Variants in IGF2BP3 observed in about 807,000 individuals in gnomAD.
IGF2BP3 encodes the protein insulin-like growth factor 2 mRNA-binding protein 3.
In IGF2BP3, 9 loss-of-function variants were observed where a neutral mutation model predicts 73.8. The ratio of observed to expected loss-of-function variants is 0.12; its 90% CI spans 0.07 to 0.21. IGF2BP3 has a LOEUF of 0.21. IGF2BP3 is among the 10% of genes least tolerant of loss of function. The pLI, the probability that IGF2BP3 is intolerant of heterozygous loss-of-function variation, is 1.00. For synonymous variants in IGF2BP3, 258 were observed against 256.7 expected (o/e 1.01, Z -0.05); for missense variants, 542 against 714.0 (o/e 0.76, Z 2.75).
chr7:23,395,650 G>A (rs1786429732), intron 3 of IGF2BP3, among the ~76,000 whole-genome samples: 3 of 151,852 alleles, frequency 2.0e-5, no homozygotes, highest in Middle Eastern at 3.4e-3. Flanking sequence ...AACAGGCCAG[G>A]CACAGTGTTT....
At chr7:23,392,521 C>T (rs954725540) in intron 3 of IGF2BP3, among the ~76,000 whole-genome samples, 2 of 150,224 alleles carry the variant, frequency 1.3e-5, no homozygotes, top group African/African-American at 2.5e-5. Flanking sequence ...TATATACACA[C>T]ACACATACAC....
intron 3 of IGF2BP3, among the ~76,000 whole-genome samples, chr7:23,407,085 T>A (rs778404436): frequency 1.0e-4 from 15 of 150,678 alleles, no homozygotes; most frequent in Admixed American, 2.0e-4. Context: ...AGTATCAGAA[T>A]TAAAAAGTGG....
intron 2 of IGF2BP3, among the ~76,000 whole-genome samples, chr7:23,463,020 C>A (rs1461196145): frequency 2.6e-5 from 4 of 152,154 alleles, no homozygotes; most frequent in Non-Finnish European, 5.9e-5. Flanking sequence ...GTCATTGCTA[C>A]CACACTGCCA....
chr7:23,367,697 T>A (rs952199552), intron 3 of IGF2BP3, among the ~76,000 whole-genome samples: 17 of 148,012 alleles, frequency 1.1e-4, no homozygotes, highest in African/African-American at 2.2e-4. Context: ...TCAGCCTTTT[T>A]AAAAAAAAAA....
At chr7:23,438,663 C>A (rs1787860288) in intron 2 of IGF2BP3, among the ~76,000 whole-genome samples, 1 of 151,834 alleles carries the variant, frequency 6.6e-6, no homozygotes, top group Non-Finnish European at 1.5e-5. Context: ...TTTCAAGGAC[C>A]CCACACGCTT....
rs1489763884 is a variant in IGF2BP3, at chr7:23,442,731, CAT to C, written c.237-23909_237-23908del. ...TCATTTTTAAAATAACAAGAAATAACATATTATAATCAGACTTTGCATATACC... is the reference window on the plus strand; with the variant it reads ...TCATTTTTAAAATAACAAGAAATAACATTATAATCAGACTTTGCATATACC... On this transcript the variant is annotated intron_variant, in intron 2 of 14. Transcript: ENST00000258729. Among the ~76,000 whole-genome samples, 12 of 152,180 alleles carry C rather than the reference CAT, an allele frequency of 7.9e-5. No individual in the cohort carries two copies. In the South Asian group the frequency reaches 2.5e-3, roughly 32 times the overall value.
intron 3 of IGF2BP3, among the ~76,000 whole-genome samples, chr7:23,416,713 G>T (rs1787200542): frequency 6.6e-6 from 1 of 152,136 alleles, no homozygotes; most frequent in South Asian, 2.1e-4. Flanking sequence ...CGCTGTTTAT[G>T]ATAAGGCTTT....
intron 2 of IGF2BP3, among the ~76,000 whole-genome samples, chr7:23,435,022 G>A (rs1042929152): frequency 3.3e-5 from 5 of 151,950 alleles, no homozygotes; most frequent in South Asian, 2.1e-4. Flanking sequence ...TGGGCCAGGC[G>A]TGGTGGCTCC....
chr7:23,317,747 T>G (rs1379456839), intron 11 of IGF2BP3, 34 bp from the exon 12 acceptor site: 12 of 1,553,046 alleles, frequency 7.7e-6, no homozygotes, highest in African/African-American at 1.3e-5. Flanking sequence ...TATGATACTT[T>G]CAGGTATCAC....
At position 23,310,926 on chromosome 7, in the gene IGF2BP3, C is replaced by T. The variant is rs1047696786; in HGVS notation, c.*1436G>A. 19 of 152,086 alleles carry T rather than the reference C, an allele frequency of 1.2e-4. No homozygotes were observed. Among genetic ancestry groups the T allele is most frequent in the Non-Finnish European group, 2.4e-4 (16 of 68,012 alleles). 9.4% of individuals were successfully genotyped at this position (152,086 alleles called of 1,614,324 possible). A position where few individuals can be genotyped will look rare whatever the true frequency, so the allele number is the denominator to read the frequency against. ...ACCACCCACACCCAACACAATTGTA[C>T]GTACTGGGCTTTGCTGTCAAGGAGT... is the stretch of plus-strand genomic sequence containing the variant. On this transcript the variant is annotated 3_prime_UTR_variant, in exon 15 of 15. Transcript: ENST00000258729.
chr7:23,320,322 A>G (rs1174492825), intron 10 of IGF2BP3, among the ~76,000 whole-genome samples: 1 of 151,976 alleles, frequency 6.6e-6, no homozygotes, highest in Non-Finnish European at 1.5e-5. Flanking sequence ...ACTACTTCCC[A>G]CTTCAAGCCA....
At chr7:23,342,626 A>G (rs1784740294) in intron 9 of IGF2BP3, among the ~76,000 whole-genome samples, 1 of 152,338 alleles carries the variant, frequency 6.6e-6, no homozygotes, top group Middle Eastern at 3.4e-3. Flanking sequence ...CTTAGCAACC[A>G]TGGGTCTAGA....
intron 5 of IGF2BP3, among the ~76,000 whole-genome samples, chr7:23,356,346 C>T (rs1366748102): frequency 2.6e-5 from 4 of 151,998 alleles, no homozygotes; most frequent in Non-Finnish European, 5.9e-5. Flanking sequence ...TCACTTGAGC[C>T]CCGCAGTTTG....
At chr7:23,319,961 A>T (rs1411569120) in intron 10 of IGF2BP3, among the ~76,000 whole-genome samples, 1 of 152,054 alleles carries the variant, frequency 6.6e-6, no homozygotes, top group Non-Finnish European at 1.5e-5. Flanking sequence ...CCCAGACTAG[A>T]GTGCAATGGC....
chr7:23,312,131 T>TTTTGTTTGTTTG lies in IGF2BP3; in HGVS notation c.*219_*230dup. 1 of 449,718 alleles carries TTTTGTTTGTTTG rather than the reference T, an allele frequency of 2.2e-6. No individual in the cohort carries two copies. The highest frequency in any genetic ancestry group is 3.6e-5 in the East Asian group (1 of 28,132). 27.9% of individuals were successfully genotyped at this position (449,718 alleles called of 1,614,324 possible). The stretch of plus-strand genomic sequence containing the variant: ...TCTTTCCCTCCCTCCCCCACCCTTT[T>TTTTGTTTGTTTG]TTTGTTTGTTTGTTTGTTTGTTTTA... On this transcript the variant is annotated 3_prime_UTR_variant, in exon 15 of 15. Transcript: ENST00000258729.
At chr7:23,326,452 C>T (rs1784298412) in intron 10 of IGF2BP3, among the ~76,000 whole-genome samples, 1 of 151,658 alleles carries the variant, frequency 6.6e-6, no homozygotes, top group East Asian at 2.0e-4. Context: ...AATAGGAACA[C>T]TTTTACACTG....
chr7:23,440,851 C>T (rs1382434661), intron 2 of IGF2BP3, among the ~76,000 whole-genome samples: 1 of 152,204 alleles, frequency 6.6e-6, no homozygotes, highest in African/African-American at 2.4e-5. Context: ...GCCTACTCTA[C>T]TGACGATTAA....
At chr7:23,319,343 T>C (rs1271331223) in intron 10 of IGF2BP3, 89 bp from the exon 11 acceptor site, 3 of 785,184 alleles carry the variant, frequency 3.8e-6, no homozygotes, top group Non-Finnish European at 6.4e-6. Flanking sequence ...CACCTTCTCA[T>C]GCAGTAGGAA....
rs1270802309 is a variant in IGF2BP3, at chr7:23,469,706, C to T, written c.175+230G>A. Reference sequence around the variant, plus strand: ...GCCAGCGCCGGGGCTTTCTTGACAGCGCGTTCGCCCTCACCCAGCAAACCC... The same window carrying T: ...GCCAGCGCCGGGGCTTTCTTGACAGTGCGTTCGCCCTCACCCAGCAAACCC... On this transcript the variant is annotated intron_variant, in intron 1 of 14. Transcript: ENST00000258729. The surrounding 1 kb of genome is among the most constrained non-coding windows in gnomAD (Gnocchi z 6.1). Among the ~76,000 whole-genome samples, 4 of 151,694 alleles carry T rather than the reference C, an allele frequency of 2.6e-5. No individual in the cohort carries two copies. The highest frequency in any genetic ancestry group is 1.5e-5 in the Non-Finnish European group (1 of 67,856).
Sources: allele counts gnomAD v4.1 joint callset (sites outside exome capture counted in the v4.1 genomes callset), GRCh38; gene constraint gnomAD v4.1.1; non-coding constraint Gnocchi (gnomAD v3.1); transcripts MANE v1.5; gene names NCBI Gene and HGNC (gene_info 2026-07-23, HGNC 2026-07-21).